The following AKAP13 variants were observed in gnomAD, a reference collection of about 807,000 sequenced individuals.
AKAP13 encodes A-kinase anchor protein 13.
In AKAP13, 80 loss-of-function variants were observed where a neutral mutation model predicts 264.5. The ratio of observed to expected loss-of-function variants is 0.30; its 90% CI spans 0.25 to 0.36. The LOEUF is 0.36. Among genes scored for constraint, AKAP13 ranks in the 10% least tolerant of loss-of-function variants. The pLI, the probability that AKAP13 is intolerant of heterozygous loss-of-function variation, is 1.00. For synonymous variants in AKAP13, 1,380 were observed against 1,250.2 expected, an observed-to-expected ratio of 1.10 and a Z score of -2.19; for missense variants, 3,712 against 3,435.2, an observed-to-expected ratio of 1.08 and a Z score of -2.01.
chr15:85,658,967 A>G (rs1449710375), intron 12 of AKAP13, among the ~76,000 whole-genome samples: 2 of 152,180 alleles, frequency 1.3e-5, no homozygotes, highest in Non-Finnish European at 2.9e-5. Context: ...TTTCCACAAA[A>G]GAAAAACCAG....
At chr15:85,728,854 AT>A (rs200020735) in intron 29 of AKAP13, among the ~76,000 whole-genome samples, 32 of 149,870 alleles carry the variant, frequency 2.1e-4, no homozygotes, top group South Asian at 8.5e-4. Flanking sequence ...AAAAAAAAAA[AT>A]TTTTTTTTTT....
intron 1 of AKAP13, among the ~76,000 whole-genome samples, chr15:85,393,044 C>A (rs769268905): frequency 6.6e-6 from 1 of 152,142 alleles, no homozygotes; most frequent in Non-Finnish European, 1.5e-5. Flanking sequence ...TGGGTGGTAT[C>A]TGTAAATTAA....
chr15:85,619,835 AG>A (rs779629156), intron 8 of AKAP13: 1,068 of 1,299,586 alleles, frequency 8.2e-4, no homozygotes, highest in Non-Finnish European at 1.0e-3. Context: ...TTATATTATG[AG>A]TTCTACATTC....
At chr15:85,452,462 G>C (rs977014132) in intron 1 of AKAP13, among the ~76,000 whole-genome samples, 14 of 152,264 alleles carry the variant, frequency 9.2e-5, no homozygotes, top group South Asian at 4.2e-4. Context: ...TGAGTTACTA[G>C]AGTTCTTGTG....
intron 1 of AKAP13, chr15:85,415,115 C>A: frequency 3.2e-6 from 2 of 619,466 alleles, no homozygotes; most frequent in Non-Finnish European, 2.8e-6. Context: ...TAATTAGTAA[C>A]AGCATCCCAG....
At chr15:85,692,621 T>A (rs758808095) in intron 16 of AKAP13, among the ~76,000 whole-genome samples, 3 of 152,188 alleles carry the variant, frequency 2.0e-5, no homozygotes, top group African/African-American at 4.8e-5. Context: ...CCCCTTCTTA[T>A]CAGTCTCCTC....
chr15:85,524,875 CTG>C (rs61626116), intron 3 of AKAP13, among the ~76,000 whole-genome samples: 29,440 of 147,150 alleles, frequency 0.2, 3,689 homozygotes, highest in East Asian at 0.6. Context: ...CCCCATTCCC[CTG>C]TGTGTGTGTG....
At chr15:85,435,416 C>T (rs1361067999) in intron 1 of AKAP13, among the ~76,000 whole-genome samples, 1 of 117,360 alleles carries the variant, frequency 8.5e-6, no homozygotes, top group Non-Finnish European at 1.7e-5. Flanking sequence ...AGGAGAACTT[C>T]CCCAATCTAG....
intron 33 of AKAP13, among the ~76,000 whole-genome samples, chr15:85,738,874 G>C (rs1479012276): frequency 6.6e-6 from 1 of 150,960 alleles, no homozygotes; most frequent in Non-Finnish European, 1.5e-5. Flanking sequence ...AAAAAGTTTG[G>C]TGTTTATATT....
At chr15:85,488,770 A>G (rs533955981) in intron 2 of AKAP13, among the ~76,000 whole-genome samples, 3 of 152,340 alleles carry the variant, frequency 2.0e-5, no homozygotes, top group Non-Finnish European at 2.9e-5. Flanking sequence ...CTTTCTCCAC[A>G]TAGAGACTCT....
At chr15:85,674,970 G>T (rs564150903) in intron 14 of AKAP13, among the ~76,000 whole-genome samples, 10 of 152,082 alleles carry the variant, frequency 6.6e-5, no homozygotes, top group African/African-American at 1.7e-4. Flanking sequence ...TTATTAAATT[G>T]TAAGACTGGA....
chr15:85,392,421 AT>A (rs1258023913), intron 1 of AKAP13, among the ~76,000 whole-genome samples: 1 of 151,276 alleles, frequency 6.6e-6, no homozygotes, highest in African/African-American at 2.4e-5. Flanking sequence ...CGCCCGGCTA[AT>A]TTTTGTATTT....
intron 8 of AKAP13, among the ~76,000 whole-genome samples, chr15:85,600,311 T>A (rs1372971137): frequency 7.6e-6 from 1 of 131,180 alleles, no homozygotes; most frequent in Non-Finnish European, 1.6e-5. Context: ...TGGGAATAGC[T>A]TAGATTTAAA....
At chr15:85,719,947 T>C (rs2087178480) in intron 23 of AKAP13, among the ~76,000 whole-genome samples, 1 of 150,622 alleles carries the variant, frequency 6.6e-6, no homozygotes, top group Non-Finnish European at 1.5e-5. Flanking sequence ...ATTTAAATAT[T>C]TGGGGCTGGG....
intron 3 of AKAP13, among the ~76,000 whole-genome samples, chr15:85,523,463 A>G (rs1168386488): frequency 6.6e-6 from 1 of 152,106 alleles, no homozygotes; most frequent in Non-Finnish European, 1.5e-5. Flanking sequence ...CTCCTCAGTG[A>G]GGCCTTTCGG....
chr15:85,653,472 C>T lies in AKAP13; in HGVS notation c.4375-1945C>T, dbSNP rs542709181. ...AAACAATCTAGGAAACTGGATTCCA[C>T]GGAACTGGAAAAAGAAAGCCTTCTT... On this transcript the variant is annotated intron_variant, in intron 10 of 36. Transcript: ENST00000394518. Among the ~76,000 whole-genome samples, 7 of 152,182 alleles carry T rather than the reference C, an allele frequency of 4.6e-5. No individual in the cohort carries two copies. The East Asian group carries it at 1.4e-3, about 29-fold the overall frequency.
chr15:85,708,049 G>A lies in AKAP13; in HGVS notation c.5495G>A (p.Arg1832Gln), dbSNP rs765388073. Residue 1832 changes from arginine (R) to glutamine (Q), a missense_variant, in exon 18 of 37, where the codon CGA becomes CAA. By Grantham distance (43) the Arg-to-Gln change is conservative. Coordinates refer to ENST00000394518, the MANE Select transcript of AKAP13 (RefSeq NM_007200.5). This position sits in a 1 kb window ranked among gnomAD's most constrained non-coding sequence, Gnocchi z 4.3. ...NCSAFVHKGC[R>Q]ESLASCAKVK... is the part of the protein sequence containing the mutation. ...AGTGCTTTTGTCCACAAAGGCTGCC[G>A]AGAAAGTCTAGCCTCCTGTGCAAAG... 5.0e-6 allele frequency: 8 copies of A among 1,613,782 alleles called. No individual in the cohort carries two copies. Among genetic ancestry groups the A allele is most frequent in the Middle Eastern group, 1.6e-4 (1 of 6,078 alleles).
chr15:85,671,189 G>A (rs940103997), intron 14 of AKAP13, among the ~76,000 whole-genome samples: 1 of 152,012 alleles, frequency 6.6e-6, no homozygotes, highest in Middle Eastern at 3.2e-3. Flanking sequence ...GACAGAAGCA[G>A]ATGCCCTATA....
At chr15:85,438,500 G>A (rs1260973143) in intron 1 of AKAP13, among the ~76,000 whole-genome samples, 1 of 149,462 alleles carries the variant, frequency 6.7e-6, no homozygotes, top group Non-Finnish European at 1.5e-5. Flanking sequence ...AAAAGAGCCT[G>A]CATCGCCAAG....
Sources: allele counts gnomAD v4.1 joint callset (sites outside exome capture counted in the v4.1 genomes callset), GRCh38; gene constraint gnomAD v4.1.1; non-coding constraint Gnocchi (gnomAD v3.1); transcripts MANE v1.5; gene names NCBI Gene and HGNC (gene_info 2026-07-23, HGNC 2026-07-21).